Variants in RIMS1 observed in about 807,000 individuals in gnomAD.
RIMS1 encodes regulating synaptic membrane exocytosis protein 1.
A neutral mutation model predicts 214.1 loss-of-function variants in RIMS1; 83 were observed. That is an observed-to-expected ratio of 0.39 (90% CI 0.32 to 0.47). The LOEUF (loss-of-function observed/expected upper bound fraction) is 0.47. RIMS1 is among the 20% of genes least tolerant of loss of function. The pLI, the probability that RIMS1 is intolerant of heterozygous loss-of-function variation, is 0.99. For synonymous variants in RIMS1, 793 were observed against 786.8 expected, an observed-to-expected ratio of 1.01 and a Z score of -0.13; for missense variants, 2,050 against 2,161.8, an observed-to-expected ratio of 0.95 and a Z score of 1.03.
At chr6:72,013,022 C>T (rs76960355) in intron 2 of RIMS1, among the ~76,000 whole-genome samples, 20,352 of 152,206 alleles carry the variant, frequency 0.13, 1,425 homozygotes, top group South Asian at 0.18. Context: ...ATGTAGGTGA[C>T]GCTGTGCAAA....
At chr6:72,102,119 A>C (rs2033742527) in intron 4 of RIMS1, among the ~76,000 whole-genome samples, 1 of 151,928 alleles carries the variant, frequency 6.6e-6, no homozygotes, top group Non-Finnish European at 1.5e-5. Flanking sequence ...AGAGGATTGA[A>C]TTTAGATAGC....
At chr6:72,262,561 G>C in intron 19 of RIMS1, 1 of 982,844 alleles carries the variant, frequency 1.0e-6, no homozygotes, top group Non-Finnish European at 1.2e-6. Context: ...TAAAAGTATG[G>C]AGATAGAGAC....
At chr6:72,243,078 T>A (rs2067683387) in intron 10 of RIMS1, among the ~76,000 whole-genome samples, 1 of 151,732 alleles carries the variant, frequency 6.6e-6, no homozygotes, top group South Asian at 2.1e-4. Context: ...CAAACCCACA[T>A]GGTCCAAAAT....
intron 28 of RIMS1, among the ~76,000 whole-genome samples, chr6:72,316,356 C>G (rs2095797947): frequency 6.6e-6 from 1 of 152,146 alleles, no homozygotes; most frequent in Admixed American, 6.5e-5. Flanking sequence ...CAGGCTCAGC[C>G]CTGCTCCTCC....
rs1212289522 is a variant in RIMS1 at position 72,252,839 on chromosome 6, G to A, written c.2770+7G>A. 6.4e-7 allele frequency: 1 copy of A among 1,551,240 alleles called. No homozygotes were observed. Among genetic ancestry groups the A allele is most frequent in the Admixed American group, 2.0e-5 (1 of 51,126 alleles). ...ATTGGCGTAGTTCCTCCAGGTGCGTGGGTGAGGAGCATGACCCTGCTTCAC... is the reference window on the plus strand; with the variant it reads ...ATTGGCGTAGTTCCTCCAGGTGCGTAGGTGAGGAGCATGACCCTGCTTCAC... On this transcript the variant is annotated splice_region_variant and intron_variant, in intron 16 of 33. Coordinates refer to ENST00000521978, the MANE Select transcript of RIMS1 (RefSeq NM_014989.7).
intron 4 of RIMS1, among the ~76,000 whole-genome samples, chr6:72,167,976 G>A (rs1242929798): frequency 1.3e-5 from 2 of 150,130 alleles, no homozygotes; most frequent in African/African-American, 2.5e-5. Flanking sequence ...GTGATTTTTG[G>A]CAATTTAAAA....
chr6:72,149,705 C>T (rs922161831), intron 4 of RIMS1, among the ~76,000 whole-genome samples: 1 of 152,220 alleles, frequency 6.6e-6, no homozygotes, highest in Admixed American at 6.5e-5. Flanking sequence ...CACCCTCTGA[C>T]AATCCTGGAT....
chr6:72,313,682 CAATACTGT>C lies in RIMS1; in HGVS notation c.4130+11_4130+18del, dbSNP rs745848239. ...CCAGGGGTAGAATCAGGTGAGTTGG[CAATACTGT>C]TTATATAAACTGGATCTTTATCTGT... On this transcript the variant is annotated intron_variant, in intron 28 of 33. Coordinates refer to ENST00000521978, the MANE Select transcript of RIMS1 (RefSeq NM_014989.7). 26 of 1,605,178 alleles carry C rather than the reference CAATACTGT, an allele frequency of 1.6e-5. No individual in the cohort carries two copies. Among genetic ancestry groups the C allele is most frequent in the Non-Finnish European group, 2.2e-5 (26 of 1,175,216 alleles).
intron 2 of RIMS1, among the ~76,000 whole-genome samples, chr6:72,069,429 A>G (rs1477240718): frequency 3.9e-5 from 6 of 152,252 alleles, no homozygotes; most frequent in Non-Finnish European, 8.8e-5. Flanking sequence ...GGCAAATTCA[A>G]CAATGTTTGT....
chr6:72,390,916 G>C (rs1381646021), intron 30 of RIMS1, 180 bp downstream of exon 30: 5 of 531,242 alleles, frequency 9.4e-6, no homozygotes, highest in Non-Finnish European at 1.3e-5. Flanking sequence ...CTCTACACCT[G>C]GTCATTCATA....
rs1286304585 is a variant in RIMS1, at chr6:72,182,986, G to A, written c.1515G>A (p.Gln505=). 3.1e-6 allele frequency: 5 copies of A among 1,593,984 alleles called. No homozygotes were observed. Among genetic ancestry groups the A allele is most frequent in the Non-Finnish European group, 4.3e-6 (5 of 1,171,620 alleles). ...GGAACGACTCTTTGAGCTCAGACCA[G>A]TCCGAGTCGGTGCGGCCGTCCCCGC... ...MLRNDSLSSD[Q]SESVRPSPPK... Residue 505 remains glutamine, a synonymous_variant, in exon 6 of 34, where the codon CAG becomes CAA. Coordinates refer to ENST00000521978, the MANE Select transcript of RIMS1 (RefSeq NM_014989.7).
At chr6:72,190,930 G>C (rs1458948628) in intron 6 of RIMS1, among the ~76,000 whole-genome samples, 1 of 152,216 alleles carries the variant, frequency 6.6e-6, no homozygotes, top group African/African-American at 2.4e-5. Context: ...CTCAGAAGGA[G>C]CGTAGTTATC....
At position 72,126,407 on chromosome 6, in the gene RIMS1, A is replaced by G. The variant is rs931727585; in HGVS notation, c.471+26421A>G. On this transcript the variant is annotated intron_variant, in intron 4 of 33. Transcript: ENST00000521978. ...CCCCAAAAGCAAATGCAACAAAAAC[A>G]GTAATGAATAAATGGGACATAATTA... Among the ~76,000 whole-genome samples, 9 of 152,308 alleles carry G rather than the reference A, an allele frequency of 5.9e-5. No individual in the cohort carries two copies. In the East Asian group the frequency reaches 1.5e-3, roughly 26 times the overall value.
At chr6:72,367,325 A>G (rs2098068779) in intron 29 of RIMS1, among the ~76,000 whole-genome samples, 1 of 152,216 alleles carries the variant, frequency 6.6e-6, no homozygotes. Flanking sequence ...GGTACAATTC[A>G]GTGCAAATAT....
chr6:72,262,413 G>C (rs1591084267), intron 19 of RIMS1: 5 of 983,436 alleles, frequency 5.1e-6, no homozygotes, highest in Middle Eastern at 5.2e-4. Flanking sequence ...CAGCGAGGCA[G>C]ATAACATCCT....
At chr6:72,159,906 G>GT (rs1397320874) in intron 4 of RIMS1, among the ~76,000 whole-genome samples, 2 of 139,838 alleles carry the variant, frequency 1.4e-5, no homozygotes, top group Non-Finnish European at 3.2e-5. Flanking sequence ...CTTTAAAGTG[G>GT]TTTTTTCCAA....
chr6:72,162,570 T>A (rs1186200909), intron 4 of RIMS1, among the ~76,000 whole-genome samples: 2 of 140,840 alleles, frequency 1.4e-5, no homozygotes, highest in African/African-American at 4.9e-5. Context: ...GGAGCTCTTG[T>A]AAGGCAGGCC....
At chr6:72,143,937 T>A (rs2153887522) in intron 4 of RIMS1, among the ~76,000 whole-genome samples, 1 of 152,162 alleles carries the variant, frequency 6.6e-6, no homozygotes, top group South Asian at 2.1e-4. Context: ...AATTGGTGAG[T>A]AAAAGGACAG....
intron 1 of RIMS1, among the ~76,000 whole-genome samples, chr6:71,952,425 G>C (rs1056936347): frequency 3.3e-5 from 5 of 152,180 alleles, no homozygotes; most frequent in African/African-American, 9.7e-5. Context: ...ACAAAGTCCT[G>C]TCTATCACAG....
Sources: gnomAD v4.1 joint callset for allele counts (sites outside exome capture counted in the v4.1 genomes callset) on GRCh38, gnomAD v4.1.1 for gene constraint, MANE v1.5 for transcripts, NCBI Gene and HGNC (gene_info 2026-07-23, HGNC 2026-07-21) for gene names.